Variants in TMOD3 observed in about 807,000 individuals in gnomAD.
TMOD3 encodes the protein tropomodulin 3.
TMOD3 carries 20 observed loss-of-function variants against 39.2 expected under a neutral mutation model. The ratio of observed to expected loss-of-function variants is 0.51; its 90% CI spans 0.36 to 0.74. TMOD3 has a LOEUF of 0.74. Ranked by LOEUF, TMOD3 falls within the 30% of genes least tolerant of loss-of-function variation. The pLI, the probability that TMOD3 is intolerant of heterozygous loss-of-function variation, is 0.00. For missense variants in TMOD3, 381 were observed against 412.8 expected, an observed-to-expected ratio of 0.92 and a Z score of 0.67; for synonymous variants, 143 against 145.8, an observed-to-expected ratio of 0.98 and a Z score of 0.14.
intron 9 of TMOD3, among the ~76,000 whole-genome samples, chr15:51,902,433 T>C (rs1024095194): frequency 6.6e-6 from 1 of 152,160 alleles, no homozygotes; most frequent in Admixed American, 6.5e-5. Context: ...TATAGAAATA[T>C]ATAAAATAGA....
chr15:51,868,987 G>A (rs144486009), intron 2 of TMOD3, among the ~76,000 whole-genome samples: 2,037 of 152,116 alleles, frequency 0.013, 55 homozygotes, highest in Middle Eastern at 0.058. Context: ...AAAAGAAACT[G>A]TACTAATGTA....
chr15:51,859,326 C>G (rs771388842), intron 1 of TMOD3: 6 of 723,118 alleles, frequency 8.3e-6, no homozygotes, highest in African/African-American at 1.7e-5. Context: ...TTCCTTGATA[C>G]AATCCACCCA....
chr15:51,912,467 C>G lies in TMOD3; in HGVS notation c.*3657C>G, dbSNP rs763195524. ...TTTTTTTTTTTTATAAAATGTTACT[C>G]ATATCATATTGTACGTTATATTTAA... On this transcript the variant is annotated 3_prime_UTR_variant, in exon 10 of 10. Transcript: ENST00000308580. 3 of 150,882 alleles carry G rather than the reference C, an allele frequency of 2.0e-5. No individual in the cohort carries two copies. Among genetic ancestry groups the G allele is most frequent in the Non-Finnish European group, 4.4e-5 (3 of 67,846 alleles). The allele number at this position is 150,882 out of a possible 1,614,324, so 9.3% of individuals were successfully genotyped here.
At position 51,902,032 on chromosome 15, in the gene TMOD3, C is replaced by G; in HGVS notation, c.1020C>G (p.Asp340Glu). The G allele has an allele frequency of 6.2e-7, 1 of 1,614,006 alleles. No individual in the cohort carries two copies. Among genetic ancestry groups the G allele is most frequent in the Non-Finnish European group, 8.5e-7 (1 of 1,179,986 alleles). The change falls in exon 9 of 10, where the codon GAC becomes GAG. Residue 340 changes from aspartate to glutamate, a missense_variant. By Grantham distance (45) the Asp-to-Glu change is conservative. Coordinates refer to ENST00000308580, the MANE Select transcript of TMOD3 (RefSeq NM_014547.5). ...CTAATGCTATAACAAAAAACAATGA[C>G]TTAGGTAAGACATAGTATCGATCAA... ...RAANAITKNN[D>E]LVRKRRVEGD...
At chr15:51,905,819 C>A (rs2056675646) in intron 9 of TMOD3, among the ~76,000 whole-genome samples, 1 of 151,582 alleles carries the variant, frequency 6.6e-6, no homozygotes, top group African/African-American at 2.4e-5. Flanking sequence ...TGGCGGGCGC[C>A]TGTAGTCCCA....
intron 3 of TMOD3, among the ~76,000 whole-genome samples, chr15:51,873,766 G>A (rs893544791): frequency 2.0e-5 from 3 of 151,432 alleles, no homozygotes; most frequent in African/African-American, 7.3e-5. Flanking sequence ...GGAGTGCAGT[G>A]GCCTGCCACC....
At position 51,889,160 on chromosome 15, in the gene TMOD3, T is replaced by A. The variant is rs1346479634; in HGVS notation, c.496+15T>A. 2 of 1,509,888 alleles carry A rather than the reference T, an allele frequency of 1.3e-6. No homozygotes were observed. Among genetic ancestry groups the A allele is most frequent in the South Asian group, 1.1e-5 (1 of 87,296 alleles). The allele number at this position is 1,509,888 out of a possible 1,614,324, so 93.5% of individuals were successfully genotyped here. On this transcript the variant is annotated intron_variant, in intron 5 of 9. Coordinates refer to ENST00000308580, the MANE Select transcript of TMOD3 (RefSeq NM_014547.5). ...ACATTTTTCAAGTGAGTACTTAAAA[T>A]GCTTTGTGAATTCTAATCCTTTATT...
At chr15:51,832,412 C>T (rs919178116) in intron 1 of TMOD3, among the ~76,000 whole-genome samples, 2 of 151,504 alleles carry the variant, frequency 1.3e-5, no homozygotes, top group African/African-American at 4.8e-5. Context: ...TTTTTCCATT[C>T]ACTGGTCATC....
At chr15:51,842,925 A>T (rs1394485763) in intron 1 of TMOD3, among the ~76,000 whole-genome samples, 2 of 152,222 alleles carry the variant, frequency 1.3e-5, no homozygotes, top group Admixed American at 1.3e-4. Flanking sequence ...GATTAGAGTA[A>T]TACCAGTGGT....
intron 1 of TMOD3, among the ~76,000 whole-genome samples, chr15:51,849,410 AT>A (rs769977901): frequency 1.5e-4 from 23 of 152,310 alleles, no homozygotes; most frequent in African/African-American, 4.8e-4. Context: ...GGAGATATCA[AT>A]TTAAAAGTTA....
intron 3 of TMOD3, among the ~76,000 whole-genome samples, chr15:51,882,291 C>A (rs999054742): frequency 6.6e-6 from 1 of 151,924 alleles, no homozygotes; most frequent in African/African-American, 2.4e-5. Context: ...GTAATCCCAG[C>A]ACTTTGGGAG....
chr15:51,864,234 C>T (rs924279242), intron 2 of TMOD3, among the ~76,000 whole-genome samples: 1 of 142,586 alleles, frequency 7.0e-6, no homozygotes, highest in African/African-American at 2.6e-5. Context: ...CCACTGTACT[C>T]CAGCTTGGGT....
In TMOD3 at chr15:51,902,131, AG is replaced by A. The variant is rs1348636771; in HGVS notation, c.1024+96del. ...TCTTAAGAATAAATTCTAACAGAGA[AG>A]TTATTTGGCCTTTGTTTCTAAAATC... On this transcript the variant is annotated intron_variant, in intron 9 of 9. Coordinates refer to ENST00000308580, the MANE Select transcript of TMOD3 (RefSeq NM_014547.5). 3 of 1,455,476 alleles carry A rather than the reference AG, an allele frequency of 2.1e-6. No homozygotes were observed. In the African/African-American group the frequency reaches 4.3e-5, roughly 21 times the overall value. The allele number at this position is 1,455,476 out of a possible 1,614,324, so 90.2% of individuals were successfully genotyped here.
intron 6 of TMOD3, among the ~76,000 whole-genome samples, chr15:51,894,632 T>C (rs1178078062): frequency 6.6e-6 from 1 of 152,198 alleles, no homozygotes. Context: ...TTCCCTATTA[T>C]TTTGCCTTCT....
intron 1 of TMOD3, among the ~76,000 whole-genome samples, chr15:51,852,158 A>G (rs2056365451): frequency 6.6e-6 from 1 of 152,232 alleles, no homozygotes; most frequent in South Asian, 2.1e-4. Flanking sequence ...CAAGTAATTC[A>G]TGGCGTAGGA....
intron 1 of TMOD3, among the ~76,000 whole-genome samples, chr15:51,852,180 A>T (rs1350228723): frequency 2.0e-5 from 3 of 152,260 alleles, no homozygotes; most frequent in African/African-American, 7.2e-5. Flanking sequence ...ATGTTCAAAA[A>T]TATATGTCAA....
intron 2 of TMOD3, among the ~76,000 whole-genome samples, chr15:51,866,834 C>T (rs1222231039): frequency 1.3e-5 from 2 of 152,136 alleles, no homozygotes; most frequent in Non-Finnish European, 2.9e-5. Context: ...GGTCTTTGCC[C>T]TCATGACGCA....
At chr15:51,871,816 A>G (rs770701534) in intron 3 of TMOD3, among the ~76,000 whole-genome samples, 2 of 152,196 alleles carry the variant, frequency 1.3e-5, no homozygotes, top group African/African-American at 2.4e-5. Context: ...TTTACTTCTT[A>G]CTTTAGGTTT....
intron 5 of TMOD3, among the ~76,000 whole-genome samples, chr15:51,891,056 A>G (rs2056590409): frequency 6.6e-6 from 1 of 152,140 alleles, no homozygotes; most frequent in Admixed American, 6.5e-5. Flanking sequence ...TCATGATGCC[A>G]TCATCAAACT....
Sources: allele counts gnomAD v4.1 joint callset (sites outside exome capture counted in the v4.1 genomes callset), GRCh38; gene constraint gnomAD v4.1.1; transcripts MANE v1.5; gene names NCBI Gene and HGNC (gene_info 2026-07-23, HGNC 2026-07-21).